ZRANB3: variants seen among roughly 807,000 people sequenced by gnomAD.
ZRANB3 encodes the protein DNA annealing helicase and endonuclease ZRANB3.
ZRANB3 carries 125 observed loss-of-function variants against 133.8 expected under a neutral mutation model. The ratio of observed to expected loss-of-function variants is 0.93; its 90% CI spans 0.81 to 1.08. ZRANB3 has a LOEUF of 1.08. Ranked by LOEUF, ZRANB3 falls within the 50% of genes least tolerant of loss-of-function variation. The pLI is 0.00. For missense variants in ZRANB3, 1,229 were observed against 1,275.5 expected (o/e 0.96, Z 0.56); for synonymous variants, 387 against 432.7 (o/e 0.89, Z 1.31).
At chr2:135,353,965 C>T (rs1685321755) in intron 3 of ZRANB3, among the ~76,000 whole-genome samples, 1 of 152,058 alleles carries the variant, frequency 6.6e-6, no homozygotes, top group Admixed American at 6.6e-5. Context: ...GACTGAACCA[C>T]TACACTCCAG....
chr2:135,210,840 T>C (rs1359432300), intron 17 of ZRANB3, among the ~76,000 whole-genome samples: 1 of 152,094 alleles, frequency 6.6e-6, no homozygotes, highest in African/African-American at 2.4e-5. Flanking sequence ...TTTTCACACA[T>C]TCACATGGTG....
At chr2:135,284,113 T>C (rs1352149438) in intron 8 of ZRANB3, among the ~76,000 whole-genome samples, 3 of 152,250 alleles carry the variant, frequency 2.0e-5, no homozygotes, top group Non-Finnish European at 4.4e-5. Context: ...CAGTCTGGGT[T>C]TGAATCCTAG....
intron 2 of ZRANB3, among the ~76,000 whole-genome samples, chr2:135,415,280 C>A (rs1688511939): frequency 6.6e-6 from 1 of 151,258 alleles, no homozygotes; most frequent in South Asian, 2.1e-4. Flanking sequence ...GGGATATCAC[C>A]ACCGATCCCA....
At chr2:135,361,511 CTG>C (rs1685693130) in intron 3 of ZRANB3, among the ~76,000 whole-genome samples, 1 of 152,254 alleles carries the variant, frequency 6.6e-6, no homozygotes, top group Middle Eastern at 3.4e-3. Context: ...CTTTTTTATA[CTG>C]TGATTACTTT....
intron 2 of ZRANB3, among the ~76,000 whole-genome samples, chr2:135,439,178 G>A (rs1198606666): frequency 6.6e-6 from 1 of 152,150 alleles, no homozygotes. Flanking sequence ...TGTATCTAAG[G>A]TCTGTCAGAG....
At chr2:135,309,207 T>A (rs2104818734) in intron 8 of ZRANB3, among the ~76,000 whole-genome samples, 1 of 151,782 alleles carries the variant, frequency 6.6e-6, no homozygotes, top group African/African-American at 2.4e-5. Context: ...GGTCTTGATC[T>A]CCTGACCTCG....
chr2:135,418,704 T>G (rs1317644756), intron 2 of ZRANB3, among the ~76,000 whole-genome samples: 1 of 151,958 alleles, frequency 6.6e-6, no homozygotes, highest in Non-Finnish European at 1.5e-5. Context: ...GACTCAACAC[T>G]GAAGACGGTG....
chr2:135,519,587 C>G (rs1693838534), intron 1 of ZRANB3, among the ~76,000 whole-genome samples: 1 of 152,126 alleles, frequency 6.6e-6, no homozygotes, highest in African/African-American at 2.4e-5. Context: ...AGGGCTAAAT[C>G]CCACTGAAAA....
intron 3 of ZRANB3, among the ~76,000 whole-genome samples, chr2:135,381,590 C>T (rs1395217089): frequency 6.6e-6 from 1 of 152,162 alleles, no homozygotes; most frequent in Non-Finnish European, 1.5e-5. Context: ...CTGGGAGGCA[C>T]CCCTAAGTAG....
chr2:135,207,771 G>A lies in ZRANB3; in HGVS notation c.2672C>T (p.Thr891Ile). ...GCCTTTGGATGTAGAGGGCTTCACA[G>A]TGAGATCTGCCTGGACTGTGTATGG... Reference protein sequence around the residue: ...LNPYTVQADLTVKPSTSKGYL... With the variant: ...LNPYTVQADLIVKPSTSKGYL... Residue 891 changes from threonine to isoleucine, a missense_variant, in exon 19 of 21, where the codon ACT becomes ATT. Coordinates refer to ENST00000264159, the MANE Select transcript of ZRANB3 (RefSeq NM_032143.4). The A allele has an allele frequency of 6.2e-7, 1 of 1,613,968 alleles. No individual in the cohort carries two copies. Among genetic ancestry groups the A allele is most frequent in the Non-Finnish European group, 8.5e-7 (1 of 1,179,840 alleles).
intron 2 of ZRANB3, among the ~76,000 whole-genome samples, chr2:135,439,811 C>G (rs1235533292): frequency 2.0e-5 from 3 of 152,156 alleles, no homozygotes; most frequent in African/African-American, 7.2e-5. Flanking sequence ...GAAAGCTTCT[C>G]AAGTGATTTT....
intron 6 of ZRANB3, among the ~76,000 whole-genome samples, chr2:135,326,066 T>C (rs1382142369): frequency 6.6e-6 from 1 of 152,170 alleles, no homozygotes; most frequent in Non-Finnish European, 1.5e-5. Flanking sequence ...TCATTTGCTG[T>C]ATGTGAGCCT....
intron 2 of ZRANB3, among the ~76,000 whole-genome samples, chr2:135,442,809 A>C (rs1689838289): frequency 6.6e-6 from 1 of 152,150 alleles, no homozygotes; most frequent in African/African-American, 2.4e-5. Flanking sequence ...ATGTCCATCA[A>C]TAATAGACTG....
At chr2:135,299,641 A>G (rs1682335577) in intron 8 of ZRANB3, among the ~76,000 whole-genome samples, 2 of 152,174 alleles carry the variant, frequency 1.3e-5, no homozygotes, top group Non-Finnish European at 2.9e-5. Context: ...TTCTTTAAGA[A>G]CTATCTGAAA....
chr2:135,395,467 T>C (rs1687448525), intron 2 of ZRANB3, among the ~76,000 whole-genome samples: 1 of 151,592 alleles, frequency 6.6e-6, no homozygotes. Context: ...TTTAATTTTT[T>C]TTAGTTTTGA....
intron 3 of ZRANB3, among the ~76,000 whole-genome samples, chr2:135,367,177 A>G (rs891228596): frequency 1.3e-5 from 2 of 152,214 alleles, no homozygotes; most frequent in Non-Finnish European, 2.9e-5. Flanking sequence ...TTCATACTTT[A>G]GGACAGGAGG....
intron 1 of ZRANB3, among the ~76,000 whole-genome samples, chr2:135,509,840 A>G (rs1022216129): frequency 6.6e-6 from 1 of 152,200 alleles, no homozygotes; most frequent in Admixed American, 6.5e-5. Context: ...TTTTAAACAT[A>G]CCAGCAAGAA....
rs910887531 is a variant in ZRANB3 at position 135,390,801 on chromosome 2, C to T, written c.180+1G>A. 2.0e-6 allele frequency: 3 copies of T among 1,530,702 alleles called. No homozygotes were observed. Among genetic ancestry groups the T allele is most frequent in the African/African-American group, 1.4e-5 (1 of 71,364 alleles). 94.8% of individuals were successfully genotyped at this position (1,530,702 alleles called of 1,614,324 possible). On this transcript the variant is annotated splice_donor_variant, in intron 3 of 20. Transcript: ENST00000264159. LOFTEE classifies it high-confidence loss of function. ...GACATAAAAACCATTGAAACACTTA[C>T]TTCATCAGCCACCATACACCTGGAA...
chr2:135,273,478 A>ACC (rs1680637320), intron 9 of ZRANB3, among the ~76,000 whole-genome samples: 2 of 152,224 alleles, frequency 1.3e-5, no homozygotes, highest in Non-Finnish European at 2.9e-5. Flanking sequence ...TCTAAAGAAA[A>ACC]TACATTGTCA....
Sources: gnomAD v4.1 joint callset for allele counts (sites outside exome capture counted in the v4.1 genomes callset) on GRCh38, gnomAD v4.1.1 for gene constraint, MANE v1.5 for transcripts, NCBI Gene and HGNC (gene_info 2026-07-23, HGNC 2026-07-21) for gene names.